Variants in UBE2L6 observed in about 807,000 individuals in gnomAD.
UBE2L6 encodes ubiquitin conjugating enzyme E2 L6, also known as ubiquitin/ISG15-conjugating enzyme E2 L6.
UBE2L6 carries 11 observed loss-of-function variants against 13.6 expected under a neutral mutation model. The ratio of observed to expected loss-of-function variants is 0.81; its 90% CI spans 0.51 to 1.34. UBE2L6 has a LOEUF of 1.34. UBE2L6 is among the 40% of genes most tolerant of loss of function. UBE2L6 has a pLI of 0.00. For missense variants in UBE2L6, 197 were observed against 199.5 expected (o/e 0.99, Z 0.07); for synonymous variants, 74 against 83.2 (o/e 0.89, Z 0.60).
chr11:57,553,714 T>C (rs895724302), intron 3 of UBE2L6, among the ~76,000 whole-genome samples: 13 of 151,950 alleles, frequency 8.6e-5, no homozygotes, highest in Non-Finnish European at 1.6e-4. Flanking sequence ...TAATTCCAGC[T>C]ATTCAAGAAG....
rs1944964591 is a variant in UBE2L6 at position 57,552,304 on chromosome 11, G to C, written c.*54C>G. 1.2e-6 allele frequency: 2 copies of C among 1,605,524 alleles called. No individual in the cohort carries two copies. ...AGGGGGCTCTGGCCTCAGTCCATGA[G>C]GTGTGTCCGTCCGCTATGCCGAGGA... On this transcript the variant is annotated 3_prime_UTR_variant, in exon 4 of 4. Coordinates refer to ENST00000287156, the MANE Select transcript of UBE2L6 (RefSeq NM_004223.5).
chr11:57,553,092 C>T (rs1590806921), intron 3 of UBE2L6, among the ~76,000 whole-genome samples: 1 of 152,256 alleles, frequency 6.6e-6, no homozygotes. Flanking sequence ...GTTAAAAACT[C>T]CTGAGCTGGT....
At chr11:57,562,784 C>G (rs981419644) in intron 1 of UBE2L6, among the ~76,000 whole-genome samples, 1 of 152,172 alleles carries the variant, frequency 6.6e-6, no homozygotes, top group Non-Finnish European at 1.5e-5. Flanking sequence ...GCTTGGAGTG[C>G]CCCCTTATGT....
intron 3 of UBE2L6, 118 bp from the exon 4 acceptor site, chr11:57,552,627 G>A (rs1248394715): frequency 1.5e-6 from 2 of 1,328,798 alleles, no homozygotes; most frequent in Admixed American, 4.0e-5. Context: ...ACATCGCTTA[G>A]GATTACTCTA....
At chr11:57,553,961 A>G (rs1944978247) in intron 3 of UBE2L6, among the ~76,000 whole-genome samples, 1 of 152,202 alleles carries the variant, frequency 6.6e-6, no homozygotes, top group African/African-American at 2.4e-5. Flanking sequence ...GTCCGGGTCT[A>G]CTAAACAACA....
chr11:57,552,040 C>G lies in UBE2L6; in HGVS notation c.*318G>C, dbSNP rs770424594. The stretch of plus-strand genomic sequence containing the variant: ...GATTCATTTCCTGCAAGCAGGCCTG[C>G]AAGGTGACCTGTCTCTCTAAGATGG... On this transcript the variant is annotated 3_prime_UTR_variant, in exon 4 of 4. Transcript: ENST00000287156. 2 of 285,676 alleles carry G rather than the reference C, an allele frequency of 7.0e-6. No individual in the cohort carries two copies. The highest frequency in any genetic ancestry group is 8.6e-5 in the East Asian group (1 of 11,598). 17.7% of individuals were successfully genotyped at this position (285,676 alleles called of 1,614,324 possible).
chr11:57,566,279 C>G (rs1213428203), intron 1 of UBE2L6, among the ~76,000 whole-genome samples: 1 of 152,140 alleles, frequency 6.6e-6, no homozygotes, highest in Admixed American at 6.6e-5. Context: ...CAGTTCTTTC[C>G]TACTGCCTAC....
chr11:57,567,705 C>G, upstream of UBE2L6: 5 of 1,464,422 alleles, frequency 3.4e-6, no homozygotes, highest in Admixed American at 6.1e-5. Context: ...GGACCCCACC[C>G]CCGGCAGCCC....
rs557298991 is a variant in UBE2L6, at chr11:57,556,992, A to C, written c.124-2369T>G. ...TCCCAGCTACTCAGGAGGCTGAGGC[A>C]TGAGAATTGCTTGAATCCAGGAGGC... On this transcript the variant is annotated intron_variant, in intron 2 of 3. Coordinates refer to ENST00000287156, the MANE Select transcript of UBE2L6 (RefSeq NM_004223.5). Among the ~76,000 whole-genome samples the C allele has an allele frequency of 3.9e-5, 6 of 151,974 alleles. No homozygotes were observed. The South Asian group carries it at 1.2e-3, about 32-fold the overall frequency.
chr11:57,557,921 C>T (rs79462097), intron 2 of UBE2L6, among the ~76,000 whole-genome samples: 2,793 of 152,236 alleles, frequency 0.018, 57 homozygotes, highest in Non-Finnish European at 0.022. Flanking sequence ...AGCTCTGCCT[C>T]GGGCTTGCTG....
intron 1 of UBE2L6, 23 bp from the exon 2 acceptor site, chr11:57,560,455 G>C (rs1945031589): frequency 6.3e-7 from 1 of 1,578,052 alleles, no homozygotes; most frequent in Non-Finnish European, 8.7e-7. Context: ...CAAGTGAGTG[G>C]GCAGTTGGCC....
chr11:57,552,535 A>G, intron 3 of UBE2L6, 26 bp from the exon 4 acceptor site: 3 of 1,613,706 alleles, frequency 1.9e-6, no homozygotes, highest in Non-Finnish European at 2.5e-6. Flanking sequence ...CCAGATCAGG[A>G]TATCAGGGCA....
intron 1 of UBE2L6, among the ~76,000 whole-genome samples, chr11:57,565,427 C>T (rs896819859): frequency 2.9e-4 from 39 of 134,342 alleles, no homozygotes; most frequent in South Asian, 2.5e-4. Flanking sequence ...TCCAGTGGCA[C>T]AATCACAGCT....
At chr11:57,567,388 C>T (rs766976967) in intron 1 of UBE2L6, 197 bp downstream of exon 1, 9 of 784,252 alleles carry the variant, frequency 1.1e-5, no homozygotes, top group Non-Finnish European at 1.8e-5. Context: ...CCTCCAAACC[C>T]CCAAAACCCC....
At chr11:57,564,317 C>T (rs930645723) in intron 1 of UBE2L6, among the ~76,000 whole-genome samples, 14 of 152,124 alleles carry the variant, frequency 9.2e-5, no homozygotes, top group Middle Eastern at 3.4e-3. Context: ...AAATGAAATA[C>T]GGCTGAGGGA....
intron 2 of UBE2L6, among the ~76,000 whole-genome samples, chr11:57,558,280 T>C (rs972594065): frequency 1.3e-5 from 2 of 152,160 alleles, no homozygotes; most frequent in African/African-American, 4.8e-5. Context: ...GGTTTCACCA[T>C]GTTGGCCAGG....
upstream of UBE2L6, chr11:57,567,677 C>T (rs1945104393): frequency 6.6e-6 from 10 of 1,524,312 alleles, no homozygotes; most frequent in Non-Finnish European, 7.1e-6. Flanking sequence ...CGACACAGCG[C>T]GCCCCGCCCC....
Position 57,560,339 on chromosome 11 carries a change from G to A in UBE2L6, c.121C>T (p.Pro41Ser). The A allele has an allele frequency of 6.2e-7, 1 of 1,613,550 alleles. No individual in the cohort carries two copies. Among genetic ancestry groups the A allele is most frequent in the Non-Finnish European group, 8.5e-7 (1 of 1,179,492 alleles). ...CCATGGTCCCCATGGATACTCACGG[G>A]TAGGAGGAGAGCGTGCCACACCAGG... ...NVLVWHALLL[P>S]DQPPYHLKAF... The change falls in exon 2 of 4, where the codon CCC becomes TCC. Residue 41 changes from proline (P) to serine (S), a missense_variant and splice_region_variant. By Grantham distance (74) the Pro-to-Ser change is moderately conservative. Transcript: ENST00000287156.
intron 1 of UBE2L6, among the ~76,000 whole-genome samples, chr11:57,566,688 A>G (rs936875505): frequency 2.0e-5 from 3 of 152,094 alleles, no homozygotes; most frequent in African/African-American, 7.2e-5. Context: ...TTCTTCTCAG[A>G]GGCTGAGGGT....
Sources: allele counts gnomAD v4.1 joint callset (sites outside exome capture counted in the v4.1 genomes callset), GRCh38; gene constraint gnomAD v4.1.1; transcripts MANE v1.5; gene names NCBI Gene and HGNC (gene_info 2026-07-23, HGNC 2026-07-21).